Variants in RARB observed in about 807,000 individuals in gnomAD.
RARB encodes HBV-activated protein.
RARB carries 17 observed loss-of-function variants against 51.9 expected under a neutral mutation model. That is an observed-to-expected ratio of 0.33 (90% CI 0.22 to 0.49). The LOEUF (loss-of-function observed/expected upper bound fraction) is 0.49, where lower values mean the gene tolerates loss of function less well. RARB is among the 20% of genes least tolerant of loss of function. RARB has a pLI of 0.99. For synonymous variants in RARB, 215 were observed against 195.4 expected, an observed-to-expected ratio of 1.10 and a Z score of -0.84; for missense variants, 369 against 550.8, an observed-to-expected ratio of 0.67 and a Z score of 3.30.
chr3:25,134,604 C>CT (rs1406686414), intron 4 of RARB, among the ~76,000 whole-genome samples: 10 of 151,934 alleles, frequency 6.6e-5, no homozygotes, highest in African/African-American at 2.4e-4. Context: ...TGCTTATTCT[C>CT]TGTCAACTAA....
intron 5 of RARB, among the ~76,000 whole-genome samples, chr3:25,203,217 G>T (rs1204268670): frequency 1.3e-5 from 2 of 152,072 alleles, no homozygotes; most frequent in East Asian, 3.9e-4. Context: ...ATCTTTGTTG[G>T]TTTAAAGTCT....
At chr3:24,890,124 C>T (rs944329974) in intron 2 of RARB, among the ~76,000 whole-genome samples, 3 of 152,178 alleles carry the variant, frequency 2.0e-5, no homozygotes, top group African/African-American at 7.2e-5. Flanking sequence ...TGTCTTAACA[C>T]AGAAGTGCTC....
chr3:25,296,522 G>T (rs1162106355), intron 5 of RARB, among the ~76,000 whole-genome samples: 2 of 152,092 alleles, frequency 1.3e-5, no homozygotes, highest in Non-Finnish European at 2.9e-5. Flanking sequence ...GTTCATACAT[G>T]AATATATTTA....
intron 2 of RARB, among the ~76,000 whole-genome samples, chr3:24,987,875 G>A (rs11928745): frequency 0.48 from 72,960 of 151,956 alleles, 17,909 homozygotes; most frequent in Admixed American, 0.59. Flanking sequence ...TTACATATAC[G>A]CATACAAAAA....
intron 3 of RARB, among the ~76,000 whole-genome samples, chr3:25,510,476 A>G (rs955944793): frequency 1.3e-5 from 2 of 151,996 alleles, no homozygotes; most frequent in Admixed American, 6.6e-5. Context: ...ATACAAAAAA[A>G]TTAGCCGGGC....
chr3:25,549,044 G>A lies in RARB; in HGVS notation c.449-20714G>A, dbSNP rs112466358. 8.7e-3 allele frequency among the ~76,000 whole-genome samples: 1,324 copies of A among 151,794 alleles called. 20 individuals are homozygous for A. Among genetic ancestry groups the A allele is most frequent in the African/African-American group, 0.031 (1,273 of 41,358 alleles). ...CCAATTCCAGTCATGTCCAAATCTA[G>A]GTTAGTAATTATGAATTCCTTTGTT... On this transcript the variant is annotated intron_variant, in intron 3 of 7. Transcript: ENST00000330688.
chr3:25,420,750 C>T (rs1230185338), intron 5 of RARB, among the ~76,000 whole-genome samples: 3 of 151,756 alleles, frequency 2.0e-5, no homozygotes, highest in Non-Finnish European at 4.4e-5. Context: ...GGTATATGAG[C>T]AAGTGGATGT....
At chr3:25,483,082 A>G (rs1285453297) in intron 2 of RARB, among the ~76,000 whole-genome samples, 1 of 152,290 alleles carries the variant, frequency 6.6e-6, no homozygotes, top group East Asian at 1.9e-4. Flanking sequence ...ACTGTAGTGG[A>G]CAGAACAGCC....
chr3:25,494,611 C>T (rs2125596665), intron 2 of RARB, among the ~76,000 whole-genome samples: 1 of 152,296 alleles, frequency 6.6e-6, no homozygotes, highest in East Asian at 1.9e-4. Flanking sequence ...CTTACTGTTT[C>T]TTCTGTACTG....
intron 5 of RARB, among the ~76,000 whole-genome samples, chr3:25,420,990 C>CAAAAAAAAAAAAAAAAAAAAAA (rs376170107): frequency 3.2e-5 from 2 of 62,414 alleles, no homozygotes; most frequent in Non-Finnish European, 6.5e-5. Flanking sequence ...ACCACTTATG[C>CAAAAAAAAAAAAAAAAAAAAAA]CAAAAAAAAA....
At chr3:25,529,725 A>T (rs1222404241) in intron 3 of RARB, among the ~76,000 whole-genome samples, 1 of 152,194 alleles carries the variant, frequency 6.6e-6, no homozygotes, top group African/African-American at 2.4e-5. Flanking sequence ...GTTAAAACTC[A>T]TAGAACTGTA....
chr3:24,875,305 G>T (rs1388953652), intron 2 of RARB, among the ~76,000 whole-genome samples: 1 of 152,114 alleles, frequency 6.6e-6, no homozygotes, highest in African/African-American at 2.4e-5. Flanking sequence ...TCAGTAACTT[G>T]TAAGCCTGGC....
In RARB at chr3:25,346,471, A is replaced by C. The variant is rs6775569; in HGVS notation, c.179-114722A>C. Among the ~76,000 whole-genome samples the C allele has an allele frequency of 7.9e-5, 12 of 152,060 alleles. No individual in the cohort carries two copies. In the South Asian group the frequency reaches 2.1e-3, roughly 26 times the overall value. On this transcript the variant is annotated intron_variant, in intron 5 of 11. Transcript: ENST00000383772. Reference sequence around the variant, plus strand: ...TAAAAATTGATGGCTAAACAAATTAACATTTTTATTGAATTTATTGCTTTT... The same window carrying C: ...TAAAAATTGATGGCTAAACAAATTACCATTTTTATTGAATTTATTGCTTTT...
intron 2 of RARB, among the ~76,000 whole-genome samples, chr3:24,875,825 T>G (rs1271925314): frequency 6.6e-6 from 1 of 152,126 alleles, no homozygotes; most frequent in East Asian, 1.9e-4. Context: ...TGTTTCAGGA[T>G]AGAATCCATT....
chr3:24,894,813 G>T (rs895968389), intron 2 of RARB, among the ~76,000 whole-genome samples: 5 of 152,194 alleles, frequency 3.3e-5, no homozygotes, highest in Non-Finnish European at 5.9e-5. Flanking sequence ...TGAAGAAGAT[G>T]TAGTACTTGC....
intron 5 of RARB, among the ~76,000 whole-genome samples, chr3:25,274,247 C>G (rs73047888): frequency 1.3e-3 from 199 of 152,280 alleles, no homozygotes; most frequent in Non-Finnish European, 2.3e-3. Context: ...TTTTGTTTTT[C>G]ATACTAAGTG....
intron 3 of RARB, among the ~76,000 whole-genome samples, chr3:25,128,102 A>G (rs1423581743): frequency 1.3e-5 from 2 of 152,102 alleles, no homozygotes; most frequent in Non-Finnish European, 2.9e-5. Context: ...ACTCTGGTTC[A>G]CTGGGGTATT....
chr3:25,054,951 A>C (rs1698407274), intron 2 of RARB, among the ~76,000 whole-genome samples: 1 of 152,158 alleles, frequency 6.6e-6, no homozygotes, highest in South Asian at 2.1e-4. Flanking sequence ...TAATACTGAA[A>C]ATAAAATAAT....
At chr3:25,010,343 A>G (rs1230349799) in intron 2 of RARB, among the ~76,000 whole-genome samples, 1 of 152,158 alleles carries the variant, frequency 6.6e-6, no homozygotes, top group Non-Finnish European at 1.5e-5. Context: ...ATCAGAATGT[A>G]AAGAATTGCT....
Sources: allele counts gnomAD v4.1 joint callset (sites outside exome capture counted in the v4.1 genomes callset), GRCh38; gene constraint gnomAD v4.1.1; transcripts MANE v1.5; gene names NCBI Gene and HGNC (gene_info 2026-07-23, HGNC 2026-07-21).